Variants in BABAM2 observed in about 807,000 individuals in gnomAD.
BABAM2 encodes the protein BRISC and BRCA1 A complex member 2.
In BABAM2, 31 loss-of-function variants were observed where a neutral mutation model predicts 54.7. The ratio of observed to expected loss-of-function variants is 0.57; its 90% confidence interval spans 0.43 to 0.77. The LOEUF is 0.77. Among genes scored for constraint, BABAM2 ranks in the 30% least tolerant of loss-of-function variants. The pLI is 0.00. For synonymous variants in BABAM2, 167 were observed against 162.9 expected (o/e 1.03, Z -0.19); for missense variants, 364 against 455.8 (o/e 0.80, Z 1.83).
At chr2:28,019,007 C>A (rs1675054166) in intron 4 of BABAM2, among the ~76,000 whole-genome samples, 1 of 152,110 alleles carries the variant, frequency 6.6e-6, no homozygotes. Flanking sequence ...CCTTACCCCC[C>A]AACCCTTGAC....
intron 7 of BABAM2, among the ~76,000 whole-genome samples, chr2:28,216,088 C>T (rs1679894301): frequency 6.6e-6 from 1 of 152,222 alleles, no homozygotes; most frequent in Non-Finnish European, 1.5e-5. Context: ...TTCCACTTCT[C>T]TCTTAATTTT....
chr2:28,057,827 T>C (rs1678551101), intron 6 of BABAM2, among the ~76,000 whole-genome samples: 1 of 152,084 alleles, frequency 6.6e-6, no homozygotes, highest in Non-Finnish European at 1.5e-5. Context: ...GGAACGGCCT[T>C]GAAAGACTTG....
intron 7 of BABAM2, among the ~76,000 whole-genome samples, chr2:28,182,124 A>G (rs1675705316): frequency 2.0e-5 from 3 of 152,122 alleles, no homozygotes; most frequent in African/African-American, 7.2e-5. Context: ...CTGATCATGT[A>G]GGGCCTTACA....
intron 7 of BABAM2, among the ~76,000 whole-genome samples, chr2:28,153,879 T>C (rs1672290723): frequency 1.3e-5 from 2 of 152,222 alleles, no homozygotes; most frequent in South Asian, 4.1e-4. Context: ...GATTGAGTTT[T>C]TGGTTTTTCT....
chr2:28,133,749 A>G (rs1359848419), intron 7 of BABAM2, among the ~76,000 whole-genome samples: 2 of 152,226 alleles, frequency 1.3e-5, no homozygotes, highest in Non-Finnish European at 2.9e-5. Flanking sequence ...TCTTGTCATC[A>G]TATGTAGGAA....
chr2:27,902,805 T>C (rs1185899622), intron 2 of BABAM2, among the ~76,000 whole-genome samples: 2 of 152,176 alleles, frequency 1.3e-5, no homozygotes, highest in African/African-American at 4.8e-5. Context: ...CTTATTTTAG[T>C]GCCCCTGACA....
Position 27,919,616 on chromosome 2 carries a change from T to C in BABAM2, c.129-10216T>C, listed in dbSNP as rs1667213491. Among the ~76,000 whole-genome samples the C allele has an allele frequency of 2.0e-5, 3 of 152,214 alleles. No individual in the cohort carries two copies. In the South Asian group the frequency reaches 6.2e-4, roughly 31 times the overall value. On this transcript the variant is annotated intron_variant, in intron 2 of 11. Coordinates refer to ENST00000379624, the MANE Select transcript of BABAM2 (RefSeq NM_199191.3). ...TTAAGATAATCCTATCAATTTCCTC[T>C]TATTCTCTTAGCAGAGTTAATTAAA...
chr2:28,072,678 C>A (rs1320425630), intron 6 of BABAM2, among the ~76,000 whole-genome samples: 1 of 152,092 alleles, frequency 6.6e-6, no homozygotes, highest in Non-Finnish European at 1.5e-5. Flanking sequence ...AGCCACTGTG[C>A]CCGGCCAGCC....
chr2:27,968,973 G>C (rs1004356762), intron 3 of BABAM2, among the ~76,000 whole-genome samples: 1 of 151,698 alleles, frequency 6.6e-6, no homozygotes, highest in Admixed American at 6.5e-5. Context: ...GATATGGCTT[G>C]TCTGTGTTCC....
At chr2:28,263,131 CAA>C (rs539550619) in intron 10 of BABAM2, among the ~76,000 whole-genome samples, 42 of 97,794 alleles carry the variant, frequency 4.3e-4, no homozygotes, top group African/African-American at 8.7e-4. Flanking sequence ...GACACTGTCT[CAA>C]AAAAAAAAAA....
intron 6 of BABAM2, among the ~76,000 whole-genome samples, chr2:28,076,011 C>A (rs11894995): frequency 0.044 from 6,749 of 152,084 alleles, 488 homozygotes; most frequent in African/African-American, 0.15. Flanking sequence ...TGCCTGTAAT[C>A]CCAACACTTT....
intron 5 of BABAM2, among the ~76,000 whole-genome samples, chr2:28,026,849 T>TATTTATATATATAGATATA (rs1675768523): frequency 2.3e-5 from 1 of 43,932 alleles, no homozygotes; most frequent in Non-Finnish European, 4.5e-5. Context: ...TATAAATATA[T>TATTTATATATATAGATATA]ATTTATATAT....
At chr2:28,159,135 T>C (rs193175575) in intron 7 of BABAM2, among the ~76,000 whole-genome samples, 1 of 152,370 alleles carries the variant, frequency 6.6e-6, no homozygotes, top group East Asian at 1.9e-4. Flanking sequence ...ACTAGTGTAA[T>C]ATGTCATTAT....
chr2:28,299,203 G>A (rs998722278), intron 11 of BABAM2, among the ~76,000 whole-genome samples: 1 of 152,214 alleles, frequency 6.6e-6, no homozygotes, highest in Non-Finnish European at 1.5e-5. Flanking sequence ...AGATATGGAA[G>A]TAGGATTTCA....
chr2:28,056,397 C>G (rs1678422914), intron 6 of BABAM2, among the ~76,000 whole-genome samples: 1 of 152,142 alleles, frequency 6.6e-6, no homozygotes, highest in Admixed American at 6.5e-5. Flanking sequence ...TAAATATACA[C>G]AATAAAATTT....
At chr2:28,327,324 C>A in intron 11 of BABAM2, 8 of 1,613,852 alleles carry the variant, frequency 5.0e-6, no homozygotes, top group Non-Finnish European at 6.8e-6. Flanking sequence ...CAAGTCCTGG[C>A]CTTTGCAGTT....
Position 28,117,104 on chromosome 2 carries a change from C to G in BABAM2, c.571-12167C>G, listed in dbSNP as rs559367710. Among the ~76,000 whole-genome samples the G allele has an allele frequency of 7.9e-5, 12 of 152,260 alleles. No homozygotes were observed. In the South Asian group the frequency reaches 2.3e-3, roughly 29 times the overall value. On this transcript the variant is annotated intron_variant, in intron 6 of 11. Coordinates refer to ENST00000379624, the MANE Select transcript of BABAM2 (RefSeq NM_199191.3). The stretch of plus-strand genomic sequence containing the variant: ...TGTTACTGTGCTGTTTTAAGTCCAC[C>G]AAGATGAGAGGCAGCAAGTCCAGAG...
intron 4 of BABAM2, among the ~76,000 whole-genome samples, chr2:28,014,177 G>A (rs1674626804): frequency 6.6e-6 from 1 of 152,020 alleles, no homozygotes; most frequent in South Asian, 2.1e-4. Flanking sequence ...GATGGGGGGA[G>A]GTAACATTAA....
chr2:27,981,623 C>T (rs1487863242), intron 3 of BABAM2, among the ~76,000 whole-genome samples: 1 of 152,052 alleles, frequency 6.6e-6, no homozygotes, highest in East Asian at 1.9e-4. Context: ...CAATAAGTAG[C>T]CTTTTGTGTC....
Sources: gnomAD v4.1 joint callset for allele counts (sites outside exome capture counted in the v4.1 genomes callset) on GRCh38, gnomAD v4.1.1 for gene constraint, MANE v1.5 for transcripts, NCBI Gene and HGNC (gene_info 2026-07-23, HGNC 2026-07-21) for gene names.